Variants in SYT17 observed in about 807,000 individuals in gnomAD.
SYT17 encodes synaptotagmin 17, also known as synaptotagmin-17.
A neutral mutation model predicts 46.7 loss-of-function variants in SYT17; 22 were observed. The ratio of observed to expected loss-of-function variants is 0.47; its 90% CI spans 0.34 to 0.67. The LOEUF is 0.67. Among genes scored for constraint, SYT17 ranks in the 30% least tolerant of loss-of-function variants. The pLI is 0.01. For synonymous variants in SYT17, 251 were observed against 248.4 expected (o/e 1.01, Z -0.10); for missense variants, 519 against 612.8 (o/e 0.85, Z 1.62).
At chr16:19,233,727 C>A (rs1158397698) in intron 7 of SYT17, among the ~76,000 whole-genome samples, 1 of 152,048 alleles carries the variant, frequency 6.6e-6, no homozygotes, top group Non-Finnish European at 1.5e-5. Context: ...GGCAGAGGGT[C>A]TCCAGCAGAG....
intron 5 of SYT17, among the ~76,000 whole-genome samples, chr16:19,205,438 C>CT (rs34776896): frequency 0.1 from 13,472 of 133,010 alleles, 730 homozygotes; most frequent in South Asian, 0.15. Flanking sequence ...CCTTCCTTGA[C>CT]TTTTTTTTTT....
intron 7 of SYT17, among the ~76,000 whole-genome samples, chr16:19,258,446 G>C (rs2143000660): frequency 6.6e-6 from 1 of 151,980 alleles, no homozygotes; most frequent in Middle Eastern, 3.4e-3. Context: ...TTCGAGACCA[G>C]CCTGGCCAAC....
At chr16:19,228,645 G>A (rs537240866) in intron 7 of SYT17, among the ~76,000 whole-genome samples, 30 of 152,330 alleles carry the variant, frequency 2.0e-4, no homozygotes, top group Admixed American at 1.9e-3. Flanking sequence ...ACAGCTGTGA[G>A]TGGAAATCCC....
chr16:19,263,416 C>A (rs940568568), intron 7 of SYT17, among the ~76,000 whole-genome samples: 1 of 152,008 alleles, frequency 6.6e-6, no homozygotes, highest in Admixed American at 6.6e-5. Context: ...CCGAGGTGGG[C>A]AGATCACCTG....
chr16:19,180,601 G>A (rs1268934340), intron 4 of SYT17, 62 bp downstream of exon 4: 4 of 1,596,880 alleles, frequency 2.5e-6, no homozygotes, highest in East Asian at 2.2e-5. Context: ...ACTCTCCCAC[G>A]GAGAGTCATG....
intron 7 of SYT17, among the ~76,000 whole-genome samples, chr16:19,239,657 C>T (rs1304954482): frequency 2.6e-5 from 4 of 152,196 alleles, no homozygotes; most frequent in East Asian, 1.9e-4. Context: ...TGCATAGAAA[C>T]GCTATGACAT....
At chr16:19,195,786 C>G (rs1349432396) in intron 5 of SYT17, among the ~76,000 whole-genome samples, 2 of 151,874 alleles carry the variant, frequency 1.3e-5, no homozygotes, top group African/African-American at 2.4e-5. Flanking sequence ...AGTTCAAGAC[C>G]AGCCCAGAGA....
intron 3 of SYT17, 149 bp downstream of exon 3, chr16:19,173,727 C>A: frequency 2.3e-6 from 2 of 874,608 alleles, no homozygotes; most frequent in Non-Finnish European, 3.4e-6. Context: ...AACTTTGCTG[C>A]AGACTGGGGA....
At chr16:19,249,921 AAGTCCTCTTTTTGCTCT>A (rs1446485719) in intron 7 of SYT17, 1 of 1,534,546 alleles carries the variant, frequency 6.5e-7, no homozygotes, top group African/African-American at 1.4e-5. Context: ...CAGATTCACC[AAGTCCTCTTTTTGCTCT>A]AGGATCCAAC....
At chr16:19,177,153 G>A (rs1394527310) in intron 3 of SYT17, among the ~76,000 whole-genome samples, 1 of 152,156 alleles carries the variant, frequency 6.6e-6, no homozygotes, top group Non-Finnish European at 1.5e-5. Flanking sequence ...GCAGGGGCAA[G>A]GGGGCTGGGA....
At chr16:19,247,411 G>T (rs1301927848) in intron 7 of SYT17, among the ~76,000 whole-genome samples, 3 of 152,166 alleles carry the variant, frequency 2.0e-5, no homozygotes, top group Non-Finnish European at 4.4e-5. Context: ...GGTCAATTTT[G>T]ATAGATATCG....
At chr16:19,238,337 G>C (rs1454511217) in intron 7 of SYT17, among the ~76,000 whole-genome samples, 1 of 152,240 alleles carries the variant, frequency 6.6e-6, no homozygotes, top group Non-Finnish European at 1.5e-5. Flanking sequence ...CATAAAGCAA[G>C]GGCTCAGTTG....
At chr16:19,245,669 T>TTCCCTGTCTC (rs1967492917) in intron 7 of SYT17, among the ~76,000 whole-genome samples, 2 of 152,292 alleles carry the variant, frequency 1.3e-5, no homozygotes, top group Admixed American at 6.5e-5. Context: ...TTCAAATGGC[T>TTCCCTGTCTC]TCCCTGTCTC....
rs149982426 is a variant in SYT17 at position 19,201,149 on chromosome 16, A to C, written c.951+17002A>C. On this transcript the variant is annotated intron_variant, in intron 5 of 7. Transcript: ENST00000355377. Reference sequence around the variant, plus strand: ...AGCACCTGCACATAGAACCTGTGTGAGAGAGGAAATTGGTTTCTGGGTGGC... The same window carrying C: ...AGCACCTGCACATAGAACCTGTGTGCGAGAGGAAATTGGTTTCTGGGTGGC... Among the ~76,000 whole-genome samples, 5 of 152,274 alleles carry C rather than the reference A, an allele frequency of 3.3e-5. No homozygotes were observed. The East Asian group carries it at 9.7e-4, about 29-fold the overall frequency.
intron 5 of SYT17, among the ~76,000 whole-genome samples, chr16:19,200,580 C>T (rs1368101109): frequency 6.6e-6 from 1 of 152,188 alleles, no homozygotes; most frequent in East Asian, 1.9e-4. Context: ...GATTAATTGA[C>T]TTGGCTCCAT....
At chr16:19,179,014 T>G (rs1964437719) in intron 3 of SYT17, among the ~76,000 whole-genome samples, 1 of 151,324 alleles carries the variant, frequency 6.6e-6, no homozygotes, top group Non-Finnish European at 1.5e-5. Context: ...CTGGGCAACA[T>G]AGTGAGACCC....
chr16:19,232,554 G>T (rs187302827), intron 7 of SYT17, among the ~76,000 whole-genome samples: 4 of 152,100 alleles, frequency 2.6e-5, no homozygotes, highest in Non-Finnish European at 4.4e-5. Context: ...CCCTTGGCCC[G>T]GTGCGGTGGC....
chr16:19,183,818 G>T lies in SYT17; in HGVS notation c.622G>T (p.Ala208Ser). The T allele has an allele frequency of 6.2e-7, 1 of 1,614,134 alleles. No homozygotes were observed. Residue 208 changes from alanine to serine, a missense_variant, in exon 5 of 8, where the codon GCC becomes TCC. Physicochemically the swap from Ala to Ser is moderately conservative, Grantham distance 99. Transcript: ENST00000355377. The surrounding 1 kb of genome is among the most constrained non-coding windows in gnomAD (Gnocchi z 5.6). ...CCACCTCACCGTGCGCGTGATCGAGGCCAGGGACCTGCCACCTCCCATCTC... is the reference window on the plus strand; with the variant it reads ...CCACCTCACCGTGCGCGTGATCGAGTCCAGGGACCTGCCACCTCCCATCTC... Reference protein sequence around the residue: ...HNHLTVRVIEARDLPPPISHD... With the variant: ...HNHLTVRVIESRDLPPPISHD...
At position 19,223,054 on chromosome 16, in the gene SYT17, G is replaced by A. The variant is rs1362336978; in HGVS notation, c.961G>A (p.Glu321Lys). ...ALIPSSQNEV[E>K]LGELLLSLNY... ...TTTCCTTTCTCTACAGAATGAAGTG[G>A]AGCTGGGGGAGCTGCTTCTGTCACT... Residue 321 changes from glutamate (E) to lysine (K), a missense_variant, in exon 6 of 8, where the codon GAG (glutamate) becomes AAG (lysine). Coordinates refer to ENST00000355377, the MANE Select transcript of SYT17 (RefSeq NM_016524.4). 6.2e-7 allele frequency: 1 copy of A among 1,613,992 alleles called. No individual in the cohort carries two copies. The highest frequency in any genetic ancestry group is 1.7e-5 in the Admixed American group (1 of 60,012).
Sources: allele counts gnomAD v4.1 joint callset (sites outside exome capture counted in the v4.1 genomes callset), GRCh38; gene constraint gnomAD v4.1.1; non-coding constraint Gnocchi (gnomAD v3.1); transcripts MANE v1.5; gene names NCBI Gene and HGNC (gene_info 2026-07-23, HGNC 2026-07-21).